Variants in STXBP5L observed in about 807,000 individuals in gnomAD.
STXBP5L encodes the protein syntaxin-binding protein 5-like.
Under a neutral mutation model 144.5 loss-of-function variants are expected in STXBP5L, and 65 were observed. The ratio of observed to expected loss-of-function variants is 0.45; its 90% CI spans 0.37 to 0.55. The LOEUF is 0.55. Among genes scored for constraint, STXBP5L ranks in the 20% least tolerant of loss-of-function variants. STXBP5L has a pLI of 0.00. For synonymous variants in STXBP5L, 505 were observed against 469.6 expected (o/e 1.08, Z -0.97); for missense variants, 1,298 against 1,405.5 (o/e 0.92, Z 1.22).
intron 20 of STXBP5L, 28 bp downstream of exon 20, chr3:121,318,568 T>C: frequency 6.8e-7 from 1 of 1,463,090 alleles, no homozygotes; most frequent in Non-Finnish European, 9.2e-7. Flanking sequence ...TTTGCAGACT[T>C]CTGGTAATTC....
In STXBP5L at chr3:121,194,443, G is replaced by GAGGATTCCTTGAGCCC. The variant is rs1553733473; in HGVS notation, c.878-11474_878-11473insCCTTGAGCCCAGGATT. 2.0e-5 allele frequency among the ~76,000 whole-genome samples: 3 copies of GAGGATTCCTTGAGCCC among 150,570 alleles called. No individual in the cohort carries two copies. In the South Asian group the frequency reaches 6.4e-4, roughly 32 times the overall value. On this transcript the variant is annotated intron_variant, in intron 9 of 26. Transcript: ENST00000471454. ...TCAGTGCTTTTTGAGGCCTAGGCAG[G>GAGGATTCCTTGAGCCC]AGGATTGCTTGAGCCCAGGAGTTCC...
At chr3:121,061,501 A>G (rs1425855987) in intron 5 of STXBP5L, among the ~76,000 whole-genome samples, 1 of 152,112 alleles carries the variant, frequency 6.6e-6, no homozygotes, top group African/African-American at 2.4e-5. Flanking sequence ...CTTGGTTGAG[A>G]GCTGATATCA....
intron 3 of STXBP5L, among the ~76,000 whole-genome samples, chr3:121,002,788 G>C (rs1453470726): frequency 2.8e-5 from 4 of 140,780 alleles, no homozygotes; most frequent in African/African-American, 2.7e-5. Flanking sequence ...TCCCAGCTAT[G>C]AGTGAGAACA....
At chr3:121,078,780 C>G (rs563876122) in intron 5 of STXBP5L, among the ~76,000 whole-genome samples, 4 of 152,270 alleles carry the variant, frequency 2.6e-5, no homozygotes, top group African/African-American at 9.6e-5. Context: ...GTACACCCTC[C>G]GCAGCCGCTG....
chr3:121,021,352 A>C (rs1945537516), intron 3 of STXBP5L, among the ~76,000 whole-genome samples: 1 of 152,166 alleles, frequency 6.6e-6, no homozygotes, highest in African/African-American at 2.4e-5. Context: ...AGTACTAGAC[A>C]GGTCATCAAG....
At chr3:121,389,826 C>G (rs1039780664) in intron 22 of STXBP5L, among the ~76,000 whole-genome samples, 5 of 151,992 alleles carry the variant, frequency 3.3e-5, no homozygotes, top group Non-Finnish European at 7.4e-5. Context: ...AATTTTGGAA[C>G]AAGTTTGATG....
At chr3:121,041,227 A>C (rs772950722) in intron 3 of STXBP5L, among the ~76,000 whole-genome samples, 1 of 151,866 alleles carries the variant, frequency 6.6e-6, no homozygotes, top group Non-Finnish European at 1.5e-5. Context: ...ATTTAGTCAG[A>C]TATATCAGTC....
At position 120,957,934 on chromosome 3, in the gene STXBP5L, A is replaced by C. The variant is rs541710609; in HGVS notation, c.287+2897A>C. Among the ~76,000 whole-genome samples, 6 of 152,302 alleles carry C rather than the reference A, an allele frequency of 3.9e-5. No homozygotes were observed. In the East Asian group the frequency reaches 7.7e-4, roughly 20 times the overall value. The stretch of plus-strand genomic sequence containing the variant: ...GAGCAGAACTGAAGGACATAGAGAC[A>C]CAAAAAACCTTTCAAAAAATCAACG... On this transcript the variant is annotated intron_variant, in intron 3 of 26. Coordinates refer to ENST00000471454, the MANE Select transcript of STXBP5L (RefSeq NM_001308330.2).
rs774310399 is a variant in STXBP5L, at chr3:121,250,760, G to A, written c.1438G>A (p.Ala480Thr). 1.2e-6 allele frequency: 2 copies of A among 1,609,150 alleles called. No individual in the cohort carries two copies. Among genetic ancestry groups the A allele is most frequent in the Non-Finnish European group, 8.5e-7 (1 of 1,177,532 alleles). ...ATCAATAAAATTTTGGGATGCTTCT[G>A]CAAGTAAGTTTCAAGTTTCTGTACA... ...DGSIKFWDAS[A>T]ITLQMLYKLK... The change falls in exon 15 of 27, where the codon GCA becomes ACA. Residue 480 changes from alanine to threonine, a missense_variant. Coordinates refer to ENST00000471454, the MANE Select transcript of STXBP5L (RefSeq NM_001308330.2).
At chr3:121,044,498 G>C (rs1947375057) in intron 4 of STXBP5L, among the ~76,000 whole-genome samples, 1 of 152,086 alleles carries the variant, frequency 6.6e-6, no homozygotes, top group South Asian at 2.1e-4. Context: ...TTCTAACAAA[G>C]TACTTTGGAA....
At chr3:121,383,549 CTA>C (rs1560042420) in intron 22 of STXBP5L, among the ~76,000 whole-genome samples, 1 of 152,008 alleles carries the variant, frequency 6.6e-6, no homozygotes, top group Admixed American at 6.6e-5. Flanking sequence ...AAAATACACT[CTA>C]TTAATTTGTT....
chr3:121,343,458 A>G (rs1279148128), intron 20 of STXBP5L, among the ~76,000 whole-genome samples: 1 of 152,092 alleles, frequency 6.6e-6, no homozygotes, highest in Non-Finnish European at 1.5e-5. Context: ...AAGTCAAATT[A>G]TCCCTGTTTG....
intron 3 of STXBP5L, among the ~76,000 whole-genome samples, chr3:121,026,348 G>T (rs1046104792): frequency 6.6e-6 from 1 of 151,932 alleles, no homozygotes; most frequent in African/African-American, 2.4e-5. Flanking sequence ...CCTACTAACA[G>T]AGCCTTTCCT....
chr3:121,309,703 A>T (rs1375043135), intron 19 of STXBP5L, among the ~76,000 whole-genome samples: 2 of 152,176 alleles, frequency 1.3e-5, no homozygotes, highest in Non-Finnish European at 2.9e-5. Context: ...ATGGAGGGGA[A>T]TACCAGGTTT....
chr3:121,260,859 A>T (rs1387874008), intron 18 of STXBP5L, among the ~76,000 whole-genome samples: 1 of 152,148 alleles, frequency 6.6e-6, no homozygotes, highest in Non-Finnish European at 1.5e-5. Flanking sequence ...TGGAGGATAT[A>T]TGTGAACATA....
chr3:121,109,111 A>G (rs753979777), intron 5 of STXBP5L, among the ~76,000 whole-genome samples: 18 of 151,804 alleles, frequency 1.2e-4, no homozygotes, highest in African/African-American at 4.4e-4. Flanking sequence ...ATCATTTTTT[A>G]TTGTATCAAT....
At chr3:120,945,209 G>A (rs1357488034) in intron 2 of STXBP5L, among the ~76,000 whole-genome samples, 1 of 151,718 alleles carries the variant, frequency 6.6e-6, no homozygotes, top group African/African-American at 2.4e-5. Context: ...TACCCAGAGT[G>A]TAACATCTGT....
chr3:120,951,177 T>C (rs1711196159), intron 2 of STXBP5L, among the ~76,000 whole-genome samples: 1 of 152,142 alleles, frequency 6.6e-6, no homozygotes, highest in African/African-American at 2.4e-5. Flanking sequence ...GACTTAAACA[T>C]TAGACCTAAA....
At chr3:121,329,627 G>A (rs6800080) in intron 20 of STXBP5L, among the ~76,000 whole-genome samples, 73,195 of 151,994 alleles carry the variant, frequency 0.48, 18,158 homozygotes, top group East Asian at 0.73. Context: ...TTGGGAGGCT[G>A]AGGCGGGAGG....
Sources: gnomAD v4.1 joint callset for allele counts (sites outside exome capture counted in the v4.1 genomes callset) on GRCh38, gnomAD v4.1.1 for gene constraint, MANE v1.5 for transcripts, NCBI Gene and HGNC (gene_info 2026-07-23, HGNC 2026-07-21) for gene names.